Variants in CPA6 observed in about 807,000 individuals in gnomAD.
CPA6 encodes the protein carboxypeptidase A6, also known as carboxypeptidase B.
Under a neutral mutation model 63.3 loss-of-function variants are expected in CPA6, and 58 were observed. That is an observed-to-expected ratio of 0.92 (90% CI 0.74 to 1.14). The LOEUF is 1.14. CPA6 is among the 50% of genes most tolerant of loss of function. The pLI is 0.00. For missense variants in CPA6, 565 were observed against 526.6 expected (o/e 1.07, Z -0.71); for synonymous variants, 185 against 179.0 (o/e 1.03, Z -0.27).
At position 67,716,151 on chromosome 8, in the gene CPA6, C is replaced by CAA. The variant is rs56275918; in HGVS notation, c.116+29861_116+29862dup. 3.1e-3 allele frequency among the ~76,000 whole-genome samples: 235 copies of CAA among 76,524 alleles called. 7 individuals carry two copies. The highest frequency in any genetic ancestry group is 5.6e-3 in the African/African-American group (83 of 14,914). 50.2% of individuals were successfully genotyped at this position (76,524 alleles called of 152,430 possible). ...CCTGGGCGAGAGAGTGAGCTTGTCT[C>CAA]AAAAAAAAAAAAAAAAAAAAAAAAA... On this transcript the variant is annotated intron_variant, in intron 1 of 10. Coordinates refer to ENST00000297770, the MANE Select transcript of CPA6 (RefSeq NM_020361.5).
chr8:67,613,164 T>C (rs964444801), intron 2 of CPA6, among the ~76,000 whole-genome samples: 2 of 152,228 alleles, frequency 1.3e-5, no homozygotes, highest in South Asian at 2.1e-4. Context: ...CCCTACCTCA[T>C]ACCCTTGCCT....
At chr8:67,470,802 T>C (rs990509039) in intron 8 of CPA6, among the ~76,000 whole-genome samples, 1 of 152,218 alleles carries the variant, frequency 6.6e-6, no homozygotes, top group Non-Finnish European at 1.5e-5. Flanking sequence ...ATGTGGTATA[T>C]GCCATGGTTC....
chr8:67,529,702 C>T (rs1423900202), intron 2 of CPA6, among the ~76,000 whole-genome samples: 2 of 152,082 alleles, frequency 1.3e-5, no homozygotes, highest in African/African-American at 4.8e-5. Context: ...AAAGCAAGGA[C>T]ATGAAAGCCA....
Position 67,624,243 on chromosome 8 carries a change from A to C in CPA6, c.125T>G (p.Val42Gly). The C allele has an allele frequency of 6.8e-7, 1 of 1,464,072 alleles. No individual in the cohort carries two copies. The highest frequency in any genetic ancestry group is 9.5e-7 in the Non-Finnish European group (1 of 1,049,268). 90.7% of individuals were successfully genotyped at this position (1,464,072 alleles called of 1,614,324 possible). The change falls in exon 2 of 11, where the codon GTG becomes GGG. Residue 42 changes from valine (V) to glycine (G), a missense_variant. Val to Gly is a moderately radical substitution (Grantham distance 109). Coordinates refer to ENST00000297770, the MANE Select transcript of CPA6 (RefSeq NM_020361.5). ...TTCTGTTTTGGGAATAAATCTTATC[A>C]CTTTATCACTACAAGATAAGAAAAG... ...LYNNRYAGDKVIRFIPKTEEE... is the reference protein window; with the variant it reads ...LYNNRYAGDKGIRFIPKTEEE...
intron 1 of CPA6, among the ~76,000 whole-genome samples, chr8:67,679,211 T>C (rs987735251): frequency 6.6e-5 from 10 of 152,188 alleles, no homozygotes; most frequent in Non-Finnish European, 1.5e-4. Context: ...CCATAAAAAG[T>C]TGACATTACA....
chr8:67,430,885 AG>A (rs1810012226), intron 9 of CPA6, among the ~76,000 whole-genome samples: 1 of 151,914 alleles, frequency 6.6e-6, no homozygotes, highest in Non-Finnish European at 1.5e-5. Flanking sequence ...TCTTTGAGAC[AG>A]GGTCTCACTC....
intron 2 of CPA6, among the ~76,000 whole-genome samples, chr8:67,596,533 T>C (rs528764991): frequency 2.9e-4 from 35 of 119,486 alleles, no homozygotes; most frequent in African/African-American, 1.1e-3. Context: ...ATTTATTTCT[T>C]TTTTTTTTTT....
chr8:67,544,685 G>A (rs914343486), intron 2 of CPA6, among the ~76,000 whole-genome samples: 6 of 152,052 alleles, frequency 3.9e-5, no homozygotes, highest in African/African-American at 1.5e-4. Context: ...TTTTATCAAG[G>A]CACCAAATCT....
At chr8:67,714,017 C>G (rs781472018) in intron 1 of CPA6, among the ~76,000 whole-genome samples, 1 of 151,986 alleles carries the variant, frequency 6.6e-6, no homozygotes, top group African/African-American at 2.4e-5. Context: ...AAATAATTGC[C>G]ATGTTAAAAT....
chr8:67,584,194 A>AG (rs1457577079), intron 2 of CPA6, among the ~76,000 whole-genome samples: 1 of 152,090 alleles, frequency 6.6e-6, no homozygotes. Flanking sequence ...AAAAGTGCTC[A>AG]GGGGTTGGTG....
chr8:67,439,170 C>A (rs987930925), intron 8 of CPA6, among the ~76,000 whole-genome samples: 1 of 151,930 alleles, frequency 6.6e-6, no homozygotes, highest in Admixed American at 6.6e-5. Flanking sequence ...GTGGCACACA[C>A]CTGTAGTCCT....
intron 1 of CPA6, among the ~76,000 whole-genome samples, chr8:67,649,375 A>G (rs2128991125): frequency 6.6e-6 from 1 of 152,284 alleles, no homozygotes; most frequent in African/African-American, 2.4e-5. Flanking sequence ...TGATGTTTTT[A>G]CTTTAATCCT....
chr8:67,666,630 T>A (rs1229270518), intron 1 of CPA6, among the ~76,000 whole-genome samples: 1 of 152,070 alleles, frequency 6.6e-6, no homozygotes, highest in Non-Finnish European at 1.5e-5. Context: ...TCAGGAAAGC[T>A]CCAGGCAAGG....
intron 5 of CPA6, among the ~76,000 whole-genome samples, chr8:67,507,786 A>T (rs921890999): frequency 1.3e-5 from 2 of 152,134 alleles, no homozygotes; most frequent in Non-Finnish European, 1.5e-5. Context: ...GGCTTCTCAG[A>T]AGAGGAGCAC....
intron 1 of CPA6, among the ~76,000 whole-genome samples, chr8:67,709,601 T>C (rs1230604514): frequency 6.6e-6 from 1 of 152,176 alleles, no homozygotes; most frequent in Non-Finnish European, 1.5e-5. Context: ...TTCTGAGCCA[T>C]TGTGAGTGAC....
rs116284121 is a variant in CPA6, at chr8:67,711,516, G to A, written c.116+34498C>T. Among the ~76,000 whole-genome samples the A allele has an allele frequency of 6.9e-3, 1,045 of 152,260 alleles. 7 individuals carry two copies. Among genetic ancestry groups the A allele is most frequent in the African/African-American group, 0.024 (986 of 41,558 alleles). ...GATCCAGTTTGTGGAGTGGGCACTA[G>A]CCCTCCTCTTGTCTATCTGCATGAG... On this transcript the variant is annotated intron_variant, in intron 1 of 10. Transcript: ENST00000297770.
chr8:67,621,783 C>T (rs1196316530), intron 2 of CPA6, among the ~76,000 whole-genome samples: 1 of 152,194 alleles, frequency 6.6e-6, no homozygotes, highest in Non-Finnish European at 1.5e-5. Flanking sequence ...CCCTTTCCCT[C>T]CATTCTCTGA....
chr8:67,507,047 C>T (rs965340292), intron 5 of CPA6, among the ~76,000 whole-genome samples, 159 bp from the exon 6 acceptor site: 1 of 152,018 alleles, frequency 6.6e-6, no homozygotes, highest in Non-Finnish European at 1.5e-5. Flanking sequence ...AAAGTCCAGG[C>T]TTCTTTATGC....
chr8:67,535,494 CT>C (rs1812566182), intron 2 of CPA6, among the ~76,000 whole-genome samples: 1 of 152,190 alleles, frequency 6.6e-6, no homozygotes, highest in South Asian at 2.1e-4. Context: ...TGTTTGTTGG[CT>C]GCATAAATGT....
Sources: gnomAD v4.1 joint callset for allele counts (sites outside exome capture counted in the v4.1 genomes callset) on GRCh38, gnomAD v4.1.1 for gene constraint, MANE v1.5 for transcripts, NCBI Gene and HGNC (gene_info 2026-07-23, HGNC 2026-07-21) for gene names.